Variants in TENM1 observed in about 807,000 individuals in gnomAD.
The protein encoded by TENM1 is teneurin transmembrane protein 1.
TENM1 carries 35 observed loss-of-function variants against 174.8 expected under a neutral mutation model. That is an observed-to-expected ratio of 0.20 (90% CI 0.15 to 0.27). The LOEUF is 0.27. Among genes scored for constraint, TENM1 ranks in the 10% least tolerant of loss-of-function variants. The pLI is 1.00. For synonymous variants in TENM1, 781 were observed against 798.7 expected, an observed-to-expected ratio of 0.98 and a Z score of 0.37; for missense variants, 1,633 against 2,130.1, an observed-to-expected ratio of 0.77 and a Z score of 4.59.
chrX:125,058,096 T>C, the TENM1 span, among the ~76,000 whole-genome samples: 4 of 111,954 alleles, frequency 3.6e-5, no homozygotes, highest in African/African-American at 1.3e-4. Context: ...CTTGGCAGCA[T>C]TTATGACAAA....
chrX:124,800,545 A>G (rs1220191447), intron 3 of TENM1, among the ~76,000 whole-genome samples: 1 of 110,837 alleles, frequency 9.0e-6, no homozygotes, highest in Admixed American at 9.6e-5. Context: ...TTTCAAAAAA[A>G]CAGCTCCTGG....
the TENM1 span, among the ~76,000 whole-genome samples, chrX:125,049,373 CATA>C: frequency 4.6e-4 from 52 of 112,260 alleles, no homozygotes; most frequent in African/African-American, 1.6e-3. Context: ...TTTCACTTAG[CATA>C]ATGTTTTCTA....
At chrX:124,431,981 G>C (rs189573173) in intron 23 of TENM1, among the ~76,000 whole-genome samples, 1 of 111,930 alleles carries the variant, frequency 8.9e-6, no homozygotes, top group East Asian at 2.8e-4. Context: ...GTAACAATTT[G>C]GCTGATCTTG....
intron 1 of TENM1, among the ~76,000 whole-genome samples, chrX:124,922,788 T>A (rs970860718): frequency 1.7e-4 from 19 of 111,291 alleles, no homozygotes; most frequent in Non-Finnish European, 3.8e-5. Flanking sequence ...ATTTTCTCTT[T>A]GATCCAAAAA....
chrX:124,437,772 G>A (rs1364452074), intron 23 of TENM1, among the ~76,000 whole-genome samples: 1 of 112,027 alleles, frequency 8.9e-6, no homozygotes, highest in East Asian at 2.8e-4. Context: ...AGTTGGAAGT[G>A]TGTTTTGAGA....
chrX:124,664,532 G>GAAAAAAAAA (rs779501054), intron 6 of TENM1, among the ~76,000 whole-genome samples: 24 of 29,263 alleles, frequency 8.2e-4, no homozygotes, highest in Non-Finnish European at 9.4e-4. Flanking sequence ...TAAAGCAAAA[G>GAAAAAAAAA]AAAAAAAAAA....
At chrX:124,459,434 G>C (rs958795324) in intron 22 of TENM1, among the ~76,000 whole-genome samples, 2 of 110,828 alleles carry the variant, frequency 1.8e-5, no homozygotes, top group African/African-American at 3.3e-5. Context: ...GTGCAGAGAG[G>C]TAGAGTGACT....
rs774935918 is a variant in TENM1 at position 124,438,972 on chromosome X, GT to G, written c.4104+14364del. On this transcript the variant is annotated intron_variant, in intron 23 of 31. Transcript: ENST00000422452. ...CCAGTTTATCATTTTGTTAAATTTG[GT>G]TTTTTTTATATATATAATAGACTTA... 3.6e-3 allele frequency among the ~76,000 whole-genome samples: 397 copies of G among 111,214 alleles called. 1 individual carries two copies. The highest frequency in any genetic ancestry group is 0.012 in the African/African-American group (356 of 30,632).
chrX:124,461,794 A>T, intron 22 of TENM1, among the ~76,000 whole-genome samples: 1 of 111,438 alleles, frequency 9.0e-6, no homozygotes, highest in South Asian at 3.8e-4. Context: ...AATAAGAACT[A>T]GGGTTTGATA....
At chrX:124,549,793 A>G (rs1458785709) in intron 14 of TENM1, among the ~76,000 whole-genome samples, 1 of 111,670 alleles carries the variant, frequency 9.0e-6, no homozygotes, top group Non-Finnish European at 1.9e-5. Context: ...ACGGGCAAAG[A>G]TGAACTTACC....
chrX:125,168,712 AC>A, the TENM1 span, among the ~76,000 whole-genome samples: 1 of 110,793 alleles, frequency 9.0e-6, no homozygotes, highest in Admixed American at 9.7e-5. Context: ...CTTTGAAGAA[AC>A]AAACTGCCAT....
At chrX:125,159,122 G>A in the TENM1 span, among the ~76,000 whole-genome samples, 1 of 111,532 alleles carries the variant, frequency 9.0e-6, no homozygotes, top group African/African-American at 3.3e-5. Flanking sequence ...GGGTACTATA[G>A]CCCACAAATG....
At chrX:124,678,009 G>C (rs1481407220) in intron 5 of TENM1, among the ~76,000 whole-genome samples, 1 of 111,618 alleles carries the variant, frequency 9.0e-6, no homozygotes, top group Non-Finnish European at 1.9e-5. Flanking sequence ...AAGCCAAAAA[G>C]AGAGAGAAAA....
chrX:124,912,118 T>C (rs2057847080), intron 1 of TENM1, among the ~76,000 whole-genome samples: 1 of 111,773 alleles, frequency 8.9e-6, no homozygotes, highest in African/African-American at 3.3e-5. Flanking sequence ...GATTTTCATC[T>C]GTATATTAAT....
chrX:124,711,266 CT>C (rs969019757), intron 4 of TENM1, among the ~76,000 whole-genome samples: 2 of 111,315 alleles, frequency 1.8e-5, no homozygotes, highest in African/African-American at 3.3e-5. Flanking sequence ...ATAAATGCCC[CT>C]GTAAGGATTT....
chrX:124,905,210 A>T (rs990636312), intron 1 of TENM1, among the ~76,000 whole-genome samples: 9 of 110,333 alleles, frequency 8.2e-5, no homozygotes, highest in African/African-American at 3.0e-4. Context: ...AGTCCCAGCT[A>T]CTTGAGAGAC....
At chrX:125,152,367 A>C in the TENM1 span, among the ~76,000 whole-genome samples, 9 of 112,335 alleles carry the variant, frequency 8.0e-5, no homozygotes, top group Admixed American at 5.7e-4. Context: ...TGAAAAGAAA[A>C]AATAATAAAA....
At chrX:125,059,413 T>C in the TENM1 span, among the ~76,000 whole-genome samples, 1 of 111,569 alleles carries the variant, frequency 9.0e-6, no homozygotes. Flanking sequence ...AATTGACATA[T>C]CTATCATCTC....
rs773410411 is a variant in TENM1, at chrX:124,412,878, A to G, written c.4983-6389T>C. On this transcript the variant is annotated intron_variant, in intron 25 of 31. Transcript: ENST00000422452. Reference sequence around the variant, plus strand: ...AGAAACTAGAATCTCAGAAGAGGCAAAGGTCATTTCCAGCTGGGCTGAGCA... The same window carrying G: ...AGAAACTAGAATCTCAGAAGAGGCAGAGGTCATTTCCAGCTGGGCTGAGCA... Among the ~76,000 whole-genome samples, 6 of 112,628 alleles carry G rather than the reference A, an allele frequency of 5.3e-5. 1 individual carries two copies. The highest frequency in any genetic ancestry group is 4.7e-4 in the Admixed American group (5 of 10,664).
Sources: gnomAD v4.1 joint callset for allele counts (sites outside exome capture counted in the v4.1 genomes callset) on GRCh38, gnomAD v4.1.1 for gene constraint, MANE v1.5 for transcripts, NCBI Gene and HGNC (gene_info 2026-07-23, HGNC 2026-07-21) for gene names.